The following CLCA4 variants were observed in gnomAD, a reference collection of about 807,000 sequenced individuals.
CLCA4 encodes chloride channel accessory 4.
CLCA4 carries 69 observed loss-of-function variants against 78.9 expected under a neutral mutation model. That is an observed-to-expected ratio of 0.87 (90% confidence interval 0.72 to 1.07). The LOEUF is 1.07. Among genes scored for constraint, CLCA4 ranks in the 50% least tolerant of loss-of-function variants. The pLI is 0.00. For missense variants in CLCA4, 1,133 were observed against 1,095.8 expected (o/e 1.03, Z -0.48); for synonymous variants, 362 against 375.8 (o/e 0.96, Z 0.42).
chr1:86,548,478 C>T (rs537019622), intron 1 of CLCA4, among the ~76,000 whole-genome samples: 10 of 151,852 alleles, frequency 6.6e-5, no homozygotes, highest in Admixed American at 3.3e-4. Flanking sequence ...GTCAGGATTT[C>T]GAGACCAGGC....
chr1:86,576,159 T>C (rs1191498873), intron 11 of CLCA4, among the ~76,000 whole-genome samples: 1 of 151,924 alleles, frequency 6.6e-6, no homozygotes, highest in Non-Finnish European at 1.5e-5. Context: ...ATTTTTTTGT[T>C]TGTTTTTTTT....
chr1:86,563,610 C>T, intron 3 of CLCA4, 51 bp from the exon 4 acceptor site: 2 of 901,916 alleles, frequency 2.2e-6, no homozygotes, highest in East Asian at 2.6e-5. Flanking sequence ...AAATATGATA[C>T]AAAACGTGTC....
At chr1:86,554,911 G>T (rs1205985109) in intron 1 of CLCA4, among the ~76,000 whole-genome samples, 1 of 150,240 alleles carries the variant, frequency 6.7e-6, no homozygotes. Context: ...GGTATGAGAT[G>T]ATATCTCATG....
At position 86,575,371 on chromosome 1, in the gene CLCA4, C is replaced by A; in HGVS notation, c.1723C>A (p.Pro575Thr). 1.2e-6 allele frequency: 2 copies of A among 1,613,148 alleles called. No individual in the cohort carries two copies. Among genetic ancestry groups the A allele is most frequent in the Non-Finnish European group, 1.7e-6 (2 of 1,179,420 alleles). Residue 575 changes from proline (P) to threonine (T), a missense_variant, in exon 11 of 14, where the codon CCA becomes ACA. By Grantham distance (38) the Pro-to-Thr change is conservative. Coordinates refer to ENST00000370563, the MANE Select transcript of CLCA4 (RefSeq NM_012128.4). ...ATACAATCTTCAAGCCAAAGCGAAC[C>A]CAGAAACATTAACTATTACAGTAAC... Reference protein sequence around the residue: ...WAYNLQAKANPETLTITVTSR... With the variant: ...WAYNLQAKANTETLTITVTSR...
chr1:86,550,592 G>C (rs926531221), intron 1 of CLCA4, among the ~76,000 whole-genome samples: 1 of 151,182 alleles, frequency 6.6e-6, no homozygotes, highest in African/African-American at 2.4e-5. Flanking sequence ...GAAAAAACTA[G>C]GGGTCCGAAA....
rs148356321 is a variant in CLCA4 at position 86,577,131 on chromosome 1, T to G, written c.1952-771T>G. Among the ~76,000 whole-genome samples, 259 of 152,192 alleles carry G rather than the reference T, an allele frequency of 1.7e-3. 1 individual carries two copies. Among genetic ancestry groups the G allele is most frequent in the Middle Eastern group, 0.014 (4 of 294 alleles). On this transcript the variant is annotated intron_variant, in intron 11 of 13. Coordinates refer to ENST00000370563, the MANE Select transcript of CLCA4 (RefSeq NM_012128.4). The stretch of plus-strand genomic sequence containing the variant: ...TATTTCCACAACTATCCCTTGCCTC[T>G]TTTTTCCCTTTCTGCAAATCTCTAC...
chr1:86,572,676 G>A lies in CLCA4; in HGVS notation c.1423G>A (p.Ala475Thr). The A allele has an allele frequency of 1.9e-6, 3 of 1,608,912 alleles. No homozygotes were observed. Among genetic ancestry groups the A allele is most frequent in the South Asian group, 1.1e-5 (1 of 90,974 alleles). ...QNNGLIDAFG[A>T]LTSGNTDLSQ... ...CAATGGCCTCATTGATGCTTTTGGGGCTCTTACATCAGGAAATACTGATCT... is the reference window on the plus strand; with the variant it reads ...CAATGGCCTCATTGATGCTTTTGGGACTCTTACATCAGGAAATACTGATCT... The change falls in exon 9 of 14, where the codon GCT becomes ACT. Residue 475 changes from alanine (A) to threonine (T), a missense_variant. Ala to Thr is a moderately conservative substitution (Grantham distance 58). Coordinates refer to ENST00000370563, the MANE Select transcript of CLCA4 (RefSeq NM_012128.4).
At chr1:86,566,976 G>A (rs1258696120) in intron 6 of CLCA4, among the ~76,000 whole-genome samples, 1 of 152,012 alleles carries the variant, frequency 6.6e-6, no homozygotes, top group Non-Finnish European at 1.5e-5. Flanking sequence ...TACCTTTTGG[G>A]CAGTCTAGTT....
intron 12 of CLCA4, among the ~76,000 whole-genome samples, chr1:86,578,928 T>C (rs190156196): frequency 3.0e-4 from 46 of 152,172 alleles, no homozygotes; most frequent in Middle Eastern, 6.8e-3. Context: ...AGGGGCTTTC[T>C]ACTAGCAATT....
intron 4 of CLCA4, among the ~76,000 whole-genome samples, chr1:86,564,722 G>T (rs7543253): frequency 1.3e-5 from 2 of 151,972 alleles, no homozygotes; most frequent in Non-Finnish European, 2.9e-5. Flanking sequence ...TAAAACATAG[G>T]TCTAAAATGT....
intron 11 of CLCA4, among the ~76,000 whole-genome samples, chr1:86,576,429 CA>C (rs1650524683): frequency 4.6e-5 from 7 of 152,174 alleles, no homozygotes; most frequent in Non-Finnish European, 8.8e-5. Context: ...GCCACCCTCC[CA>C]CCCCAGCCTC....
rs772426208 is a variant in CLCA4 at position 86,575,618 on chromosome 1, T to C, written c.1951+19T>C. 1.2e-6 allele frequency: 2 copies of C among 1,605,304 alleles called. No homozygotes were observed. Among genetic ancestry groups the C allele is most frequent in the Non-Finnish European group, 1.7e-6 (2 of 1,174,576 alleles). On this transcript the variant is annotated intron_variant, in intron 11 of 13. Coordinates refer to ENST00000370563, the MANE Select transcript of CLCA4 (RefSeq NM_012128.4). ...GGTGCAGGTAATTCACAGGTTTTTA[T>C]GAATAAGCCAATATTTTCCTAATTC... is the stretch of plus-strand genomic sequence containing the variant.
At chr1:86,558,419 C>T (rs1649912938) in intron 1 of CLCA4, among the ~76,000 whole-genome samples, 1 of 152,034 alleles carries the variant, frequency 6.6e-6, no homozygotes, top group Non-Finnish European at 1.5e-5. Context: ...TTTCCTTTGA[C>T]AAGGAAACTT....
chr1:86,567,544 C>A lies in CLCA4; in HGVS notation c.1075C>A (p.Leu359Ile), dbSNP rs1373373394. The change falls in exon 7 of 14, where the codon CTA (leucine) becomes ATA (isoleucine). Residue 359 changes from leucine to isoleucine, a missense_variant. By Grantham distance (5) the Leu-to-Ile change is conservative. Coordinates refer to ENST00000370563, the MANE Select transcript of CLCA4 (RefSeq NM_012128.4). ...FDSTATIVNK[L>I]IQIKSSDERN... The stretch of plus-strand genomic sequence containing the variant: ...TAGTACTGCCACTATTGTAAATAAG[C>A]TAATCCAAATAAAAAGCAGTGATGA... 1 of 1,613,226 alleles carries A rather than the reference C, an allele frequency of 6.2e-7. No homozygotes were observed. Among genetic ancestry groups the A allele is most frequent in the Admixed American group, 1.7e-5 (1 of 59,922 alleles).
chr1:86,554,543 G>A (rs904891367), intron 1 of CLCA4, among the ~76,000 whole-genome samples: 4 of 152,180 alleles, frequency 2.6e-5, no homozygotes, highest in Admixed American at 2.0e-4. Flanking sequence ...GGGATTACAG[G>A]TGTGAGCCAC....
intron 11 of CLCA4, 41 bp from the exon 12 acceptor site, chr1:86,577,861 T>C: frequency 1.3e-6 from 2 of 1,571,466 alleles, no homozygotes; most frequent in Non-Finnish European, 1.7e-6. Context: ...AAATGCAAAA[T>C]TTCTCTTTAC....
intron 11 of CLCA4, among the ~76,000 whole-genome samples, chr1:86,576,980 A>G (rs550375765): frequency 1.3e-5 from 2 of 152,222 alleles, no homozygotes; most frequent in East Asian, 1.9e-4. Context: ...TTCTATCAGT[A>G]TATTTTGCAA....
At chr1:86,576,504 CATT>C (rs896584464) in intron 11 of CLCA4, among the ~76,000 whole-genome samples, 19 of 151,958 alleles carry the variant, frequency 1.3e-4, no homozygotes, top group Admixed American at 2.6e-4. Flanking sequence ...TTTTTGTCAT[CATT>C]GTTGTTTATC....
chr1:86,578,085 T>A lies in CLCA4; in HGVS notation c.2122+13T>A, dbSNP rs536704891. The A allele has an allele frequency of 3.1e-6, 5 of 1,601,554 alleles. No individual in the cohort carries two copies. The highest frequency in any genetic ancestry group is 4.3e-6 in the Non-Finnish European group (5 of 1,173,464). ...TGGGTAGTGAACGGTGAGTAACTCA[T>A]GATATTTATAATCCAGTGATAGTTT... is the stretch of plus-strand genomic sequence containing the variant. On this transcript the variant is annotated intron_variant, in intron 12 of 13. Transcript: ENST00000370563.
Sources: gnomAD v4.1 joint callset for allele counts (sites outside exome capture counted in the v4.1 genomes callset) on GRCh38, gnomAD v4.1.1 for gene constraint, MANE v1.5 for transcripts, NCBI Gene and HGNC (gene_info 2026-07-23, HGNC 2026-07-21) for gene names.